The following PCDH11X variants were observed in gnomAD, a reference collection of about 807,000 sequenced individuals.
PCDH11X encodes protocadherin-11 X-linked.
Under a neutral mutation model 53.3 loss-of-function variants are expected in PCDH11X, and 18 were observed. The observed-to-expected ratio is 0.34, with a 90% CI of 0.23 to 0.50. The LOEUF (loss-of-function observed/expected upper bound fraction) is 0.50, where lower values mean the gene tolerates loss of function less well. Among genes scored for constraint, PCDH11X ranks in the 20% least tolerant of loss-of-function variants. The pLI, the probability that PCDH11X is intolerant of heterozygous loss-of-function variation, is 0.98. For missense variants in PCDH11X, 570 were observed against 1,032.4 expected (o/e 0.55, Z 6.14); for synonymous variants, 279 against 393.3 (o/e 0.71, Z 3.44).
chrX:92,522,300 G>A (rs1296677484), intron 10 of PCDH11X, among the ~76,000 whole-genome samples: 2 of 111,646 alleles, frequency 1.8e-5, no homozygotes, highest in Admixed American at 9.6e-5. Context: ...TGTGTGTCAG[G>A]AAATAGGCCA....
chrX:91,938,709 T>C (rs1163911926), intron 6 of PCDH11X, among the ~76,000 whole-genome samples: 1 of 110,975 alleles, frequency 9.0e-6, no homozygotes, highest in East Asian at 2.9e-4. Context: ...AAATAGTGCC[T>C]GTTTCTACTA....
intron 8 of PCDH11X, among the ~76,000 whole-genome samples, chrX:92,303,123 C>A (rs1441430626): frequency 1.8e-5 from 2 of 109,289 alleles, no homozygotes; most frequent in Non-Finnish European, 3.8e-5. Flanking sequence ...GGTATGAGAG[C>A]ATTTGAACTT....
At chrX:92,517,949 G>A (rs1195051693) in intron 10 of PCDH11X, among the ~76,000 whole-genome samples, 2 of 110,558 alleles carry the variant, frequency 1.8e-5, no homozygotes, top group Non-Finnish European at 3.8e-5. Flanking sequence ...AACAAATATT[G>A]TCACAGTGCA....
chrX:91,972,884 T>G (rs1418836987), intron 6 of PCDH11X, among the ~76,000 whole-genome samples: 3 of 111,355 alleles, frequency 2.7e-5, no homozygotes, highest in Non-Finnish European at 5.6e-5. Context: ...GTGTGGCGAT[T>G]CCTCATGGAT....
chrX:92,450,178 C>T (rs751431878), intron 9 of PCDH11X, among the ~76,000 whole-genome samples: 22 of 110,388 alleles, frequency 2.0e-4, no homozygotes, highest in Non-Finnish European at 3.0e-4. Context: ...ATTCACAATG[C>T]TAGGCTAAGA....
chrX:92,328,195 C>A lies in PCDH11X; in HGVS notation c.3145-59540C>A, dbSNP rs1427148836. Among the ~76,000 whole-genome samples the A allele has an allele frequency of 3.6e-5, 4 of 111,001 alleles. No individual in the cohort carries two copies. In the Admixed American group the frequency reaches 3.9e-4, roughly 11 times the overall value. ...CTTATTGCTTGCATATAATTTCTATCCTTTAGCACAGGGAGAGGGAACCCA... is the reference window on the plus strand; with the variant it reads ...CTTATTGCTTGCATATAATTTCTATACTTTAGCACAGGGAGAGGGAACCCA... On this transcript the variant is annotated intron_variant, in intron 8 of 10. Coordinates refer to ENST00000682573, the MANE Select transcript of PCDH11X (RefSeq NM_032968.5).
At chrX:92,562,633 A>G (rs376921187) in intron 10 of PCDH11X, among the ~76,000 whole-genome samples, 3 of 109,513 alleles carry the variant, frequency 2.7e-5, no homozygotes, top group Non-Finnish European at 1.9e-5. Flanking sequence ...ACATATGAAC[A>G]CAGGCTATTA....
At chrX:91,904,736 G>A (rs112411574) in intron 6 of PCDH11X, among the ~76,000 whole-genome samples, 3,305 of 109,437 alleles carry the variant, frequency 0.03, 146 homozygotes, top group African/African-American at 0.1. Flanking sequence ...GCATCACATA[G>A]ACATTCTATA....
chrX:92,337,974 A>G (rs35180730), intron 8 of PCDH11X, among the ~76,000 whole-genome samples: 1 of 111,425 alleles, frequency 9.0e-6, no homozygotes, highest in Non-Finnish European at 1.9e-5. Context: ...AATTTCCATA[A>G]CTAATAAATA....
intron 7 of PCDH11X, among the ~76,000 whole-genome samples, chrX:92,259,727 G>A (rs957574044): frequency 2.7e-5 from 3 of 111,744 alleles, no homozygotes; most frequent in African/African-American, 9.8e-5. Flanking sequence ...GCAAGTGTCA[G>A]CATCTCACCC....
At chrX:91,828,616 T>C (rs1320006823) in intron 4 of PCDH11X, among the ~76,000 whole-genome samples, 2 of 111,750 alleles carry the variant, frequency 1.8e-5, no homozygotes, top group African/African-American at 6.5e-5. Context: ...AGGAATATTG[T>C]TGAACCTTTA....
At chrX:92,499,449 A>C (rs1385236273) in intron 10 of PCDH11X, among the ~76,000 whole-genome samples, 1 of 83,241 alleles carries the variant, frequency 1.2e-5, no homozygotes, top group Non-Finnish European at 2.3e-5. Context: ...AGTTTGAAAA[A>C]AAAAAACAAA....
At chrX:91,931,320 A>G (rs1465760583) in intron 6 of PCDH11X, among the ~76,000 whole-genome samples, 2 of 111,290 alleles carry the variant, frequency 1.8e-5, no homozygotes, top group African/African-American at 6.5e-5. Flanking sequence ...AGAAAAATAA[A>G]TTATGAAAGG....
rs368657024 is a variant in PCDH11X, at chrX:92,158,077, G to A, written c.3034-43298G>A. On this transcript the variant is annotated intron_variant, in intron 6 of 10. Transcript: ENST00000682573. ...TGAAATTACAAAAAATCACCTGGGC[G>A]TGGTGGCAGGCACCTGTAATCCCAG... 3.2e-3 allele frequency among the ~76,000 whole-genome samples: 355 copies of A among 110,675 alleles called. 3 individuals are homozygous for A. The highest frequency in any genetic ancestry group is 0.011 in the African/African-American group (339 of 30,465).
At chrX:92,208,216 A>C (rs1486933430) in intron 7 of PCDH11X, among the ~76,000 whole-genome samples, 1 of 86,593 alleles carries the variant, frequency 1.2e-5, no homozygotes, top group Non-Finnish European at 2.3e-5. Context: ...AAAAAAAAAA[A>C]AACTTTTCTT....
intron 6 of PCDH11X, among the ~76,000 whole-genome samples, chrX:91,913,527 C>A (rs1295947776): frequency 9.0e-6 from 1 of 111,177 alleles, no homozygotes; most frequent in Non-Finnish European, 1.9e-5. Context: ...ACCACCTCAC[C>A]CCATGCTCCA....
chrX:92,101,267 G>A (rs1027708544), intron 6 of PCDH11X, among the ~76,000 whole-genome samples: 1 of 111,026 alleles, frequency 9.0e-6, no homozygotes, highest in Non-Finnish European at 1.9e-5. Flanking sequence ...TTTTTTTGGG[G>A]CACAGTCTAA....
chrX:92,216,563 A>G (rs2148345856), intron 7 of PCDH11X, among the ~76,000 whole-genome samples: 1 of 105,876 alleles, frequency 9.4e-6, no homozygotes, highest in African/African-American at 3.4e-5. Context: ...GAAAAGACCA[A>G]ATCTACGTCT....
At chrX:92,210,346 C>A (rs1158835889) in intron 7 of PCDH11X, among the ~76,000 whole-genome samples, 2 of 101,371 alleles carry the variant, frequency 2.0e-5, no homozygotes, top group East Asian at 6.7e-4. Flanking sequence ...TCATACCATT[C>A]TCCTGCCTCA....
Sources: gnomAD v4.1 joint callset for allele counts (sites outside exome capture counted in the v4.1 genomes callset) on GRCh38, gnomAD v4.1.1 for gene constraint, MANE v1.5 for transcripts, NCBI Gene and HGNC (gene_info 2026-07-23, HGNC 2026-07-21) for gene names.